The following FAM107A variants were observed in gnomAD, a reference collection of about 807,000 sequenced individuals.
FAM107A encodes the protein actin-associated protein FAM107A.
In FAM107A, 19 loss-of-function variants were observed where a neutral mutation model predicts 13.7. The ratio of observed to expected loss-of-function variants is 1.38; its 90% CI spans 0.97 to 2.03. FAM107A has a LOEUF of 2.03. Ranked by LOEUF, FAM107A falls within the 30% of genes most tolerant of loss-of-function variation. The pLI is 0.00. For missense variants in FAM107A, 203 were observed against 184.4 expected (o/e 1.10, Z -0.58); for synonymous variants, 82 against 74.5 (o/e 1.10, Z -0.52).
intron 1 of FAM107A, among the ~76,000 whole-genome samples, chr3:58,619,175 C>T (rs2065930684): frequency 6.6e-6 from 1 of 152,008 alleles, no homozygotes; most frequent in Non-Finnish European, 1.5e-5. Context: ...ATTAATTTTT[C>T]TTTTTTTGTA....
Position 58,569,999 on chromosome 3 carries a change from C to T in FAM107A, c.-5-134G>A. The T allele has an allele frequency of 1.3e-6, 1 of 796,648 alleles. No individual in the cohort carries two copies. Among genetic ancestry groups the T allele is most frequent in the Admixed American group, 3.0e-5 (1 of 32,834 alleles). The allele number at this position is 796,648 out of a possible 1,614,324, so 49.3% of individuals were successfully genotyped here. ...CTGCTACTGCGCATACCTGGGCAAGCTACCTGACTTTCTGAGCCTTAGTTT... is the reference window on the plus strand; with the variant it reads ...CTGCTACTGCGCATACCTGGGCAAGTTACCTGACTTTCTGAGCCTTAGTTT... On this transcript the variant is annotated intron_variant, in intron 1 of 3. Coordinates refer to ENST00000360997, the MANE Select transcript of FAM107A (RefSeq NM_001076778.3). The surrounding 1 kb of genome is among the most constrained non-coding windows in gnomAD (Gnocchi z 5.7).
At chr3:58,586,750 A>C in intron 1 of FAM107A, 1 of 1,161,410 alleles carries the variant, frequency 8.6e-7, no homozygotes, top group Non-Finnish European at 1.1e-6. Context: ...GAAGCAGAGC[A>C]ACGAAGCAGA....
In FAM107A at chr3:58,565,225, CCTT is replaced by C. The variant is rs1463607537; in HGVS notation, c.*1360_*1362del. ...ATATGTGGGTCTCACACAGGAAAGG[CCTT>C]CTGAAGAAGAAAAATGGGTGAATTC... On this transcript the variant is annotated 3_prime_UTR_variant, in exon 4 of 4. Transcript: ENST00000360997. 3 of 151,936 alleles carry C rather than the reference CCTT, an allele frequency of 2.0e-5. No homozygotes were observed. Among genetic ancestry groups the C allele is most frequent in the Non-Finnish European group, 4.4e-5 (3 of 68,018 alleles). 9.4% of individuals were successfully genotyped at this position (151,936 alleles called of 1,614,324 possible).
upstream of FAM107A, among the ~76,000 whole-genome samples, chr3:58,579,547 C>T (rs184142118): frequency 3.0e-3 from 461 of 152,278 alleles, 3 homozygotes; most frequent in African/African-American, 0.01. Flanking sequence ...AGATTCTTGT[C>T]AAACCACTCT....
chr3:58,610,375 A>T (rs2065841918), intron 1 of FAM107A, among the ~76,000 whole-genome samples: 1 of 152,124 alleles, frequency 6.6e-6, no homozygotes, highest in Admixed American at 6.5e-5. Flanking sequence ...GCCTGCAGGG[A>T]TGACGAAGGC....
chr3:58,565,243 T>C lies in FAM107A; in HGVS notation c.*1345A>G, dbSNP rs943289950. The C allele has an allele frequency of 6.6e-6, 1 of 151,672 alleles. No individual in the cohort carries two copies. Among genetic ancestry groups the C allele is most frequent in the Non-Finnish European group, 1.5e-5 (1 of 67,942 alleles). 9.4% of individuals were successfully genotyped at this position (151,672 alleles called of 1,614,324 possible). A position where few individuals can be genotyped will look rare whatever the true frequency, so the allele number is the denominator to read the frequency against. On this transcript the variant is annotated 3_prime_UTR_variant, in exon 4 of 4. Coordinates refer to ENST00000360997, the MANE Select transcript of FAM107A (RefSeq NM_001076778.3). ...GGAAAGGCCTTCTGAAGAAGAAAAA[T>C]GGGTGAATTCACTGGAGTTGGCCCA... is the stretch of plus-strand genomic sequence containing the variant.
At chr3:58,593,714 C>A (rs1390106667) in intron 1 of FAM107A, among the ~76,000 whole-genome samples, 1 of 152,056 alleles carries the variant, frequency 6.6e-6, no homozygotes, top group African/African-American at 2.4e-5. Flanking sequence ...TCCTCCTTAG[C>A]GAACAATTGC....
intron 2 of FAM107A, among the ~76,000 whole-genome samples, chr3:58,567,884 C>T (rs2063638705): frequency 6.6e-6 from 1 of 152,128 alleles, no homozygotes; most frequent in South Asian, 2.1e-4. Flanking sequence ...CATGGAACAA[C>T]ATTTGATATG....
At chr3:58,603,626 G>T (rs890208461) in intron 1 of FAM107A, among the ~76,000 whole-genome samples, 3 of 152,166 alleles carry the variant, frequency 2.0e-5, no homozygotes, top group African/African-American at 7.2e-5. Flanking sequence ...AGGCAAGGGG[G>T]CTGGGCTTTT....
In FAM107A at chr3:58,586,560, G is replaced by A. The variant is rs181956323; in HGVS notation, c.79+298C>T. ...AAAAATTAGCTGGGTGTGGTGGTGC[G>A]CACCTGTAGTCCCAGCTACTCGGGA... is the stretch of plus-strand genomic sequence containing the variant. On this transcript the variant is annotated intron_variant, in intron 1 of 3. Coordinates refer to the FAM107A transcript ENST00000447756. 9.8e-3 allele frequency among the ~76,000 whole-genome samples: 1,492 copies of A among 152,156 alleles called. 23 individuals carry two copies. The highest frequency in any genetic ancestry group is 0.049 in the South Asian group (236 of 4,804).
intron 1 of FAM107A, chr3:58,627,247 G>A: frequency 1.9e-6 from 1 of 525,636 alleles, no homozygotes; most frequent in Non-Finnish European, 3.4e-6. Context: ...TGCCCTTCTT[G>A]GGTCCCTGCA....
exon 1 of FAM107A, chr3:58,587,099 A>C: frequency 7.3e-7 from 1 of 1,368,478 alleles, no homozygotes; most frequent in South Asian, 1.7e-5. Context: ...GGGCGAGGAG[A>C]CGCCGCCGGG....
At chr3:58,614,966 T>C (rs1429802045) in intron 1 of FAM107A, among the ~76,000 whole-genome samples, 2 of 152,050 alleles carry the variant, frequency 1.3e-5, no homozygotes, top group Non-Finnish European at 2.9e-5. Context: ...CTACCACATC[T>C]GGCTGATTTT....
upstream of FAM107A, among the ~76,000 whole-genome samples, chr3:58,581,066 C>G (rs558708276): frequency 6.6e-6 from 1 of 152,368 alleles, no homozygotes; most frequent in South Asian, 2.1e-4. Context: ...GTCGCTGTCT[C>G]CTGCCTCCTT....
chr3:58,607,562 G>A (rs1370644452), intron 1 of FAM107A: 1 of 151,822 alleles, frequency 6.6e-6, no homozygotes, highest in Admixed American at 6.6e-5. Flanking sequence ...AGATGGATTT[G>A]TATATGTGCA....
chr3:58,570,477 T>C (rs2063670198), intron 1 of FAM107A: 1 of 555,744 alleles, frequency 1.8e-6, no homozygotes, highest in Non-Finnish European at 2.3e-6. Context: ...GCCCCACTTC[T>C]ACCACAGCGG....
intron 1 of FAM107A, among the ~76,000 whole-genome samples, chr3:58,574,653 G>A (rs2063715537): frequency 1.3e-5 from 2 of 152,338 alleles, no homozygotes; most frequent in South Asian, 4.1e-4. Context: ...GCTATTGAGT[G>A]TCTTGCATGA....
intron 1 of FAM107A, among the ~76,000 whole-genome samples, chr3:58,615,713 T>A (rs148824528): frequency 6.6e-6 from 1 of 151,684 alleles, no homozygotes; most frequent in East Asian, 1.9e-4. Context: ...CTGGGCAACA[T>A]GGTGAGACAC....
chr3:58,616,032 T>C (rs1213102121), intron 1 of FAM107A, among the ~76,000 whole-genome samples: 5 of 151,736 alleles, frequency 3.3e-5, no homozygotes, highest in African/African-American at 7.3e-5. Context: ...GGGGAAGAGA[T>C]TGGGCTGTCA....
Sources: allele counts gnomAD v4.1 joint callset (sites outside exome capture counted in the v4.1 genomes callset), GRCh38; gene constraint gnomAD v4.1.1; non-coding constraint Gnocchi (gnomAD v3.1); transcripts MANE v1.5; gene names NCBI Gene and HGNC (gene_info 2026-07-23, HGNC 2026-07-21).